SLC6A6: variants seen among roughly 807,000 people sequenced by gnomAD.
The protein encoded by SLC6A6 is solute carrier family 6 member 6.
In SLC6A6, 16 loss-of-function variants were observed where a neutral mutation model predicts 68.8. That is an observed-to-expected ratio of 0.23 (90% CI 0.16 to 0.35). SLC6A6 has a LOEUF of 0.35. Among genes scored for constraint, SLC6A6 ranks in the 10% least tolerant of loss-of-function variants. The probability of loss-of-function intolerance (pLI) is 1.00; values close to 1 mark genes in which losing one functional copy is unlikely to be tolerated. For synonymous variants in SLC6A6, 312 were observed against 315.4 expected, an observed-to-expected ratio of 0.99 and a Z score of 0.12; for missense variants, 474 against 802.8, an observed-to-expected ratio of 0.59 and a Z score of 4.95.
intron 2 of SLC6A6, among the ~76,000 whole-genome samples, chr3:14,441,248 T>C (rs1426587997): frequency 6.6e-6 from 1 of 151,992 alleles, no homozygotes. Flanking sequence ...TCCAGGGTCA[T>C]TTCCTGAGAA....
intron 5 of SLC6A6, 132 bp downstream of exon 5, chr3:14,447,948 G>A: frequency 6.8e-7 from 1 of 1,467,242 alleles, no homozygotes; most frequent in African/African-American, 1.4e-5. Flanking sequence ...CAGATCTGGA[G>A]ATAAATTTAT....
intron 2 of SLC6A6, among the ~76,000 whole-genome samples, chr3:14,443,360 T>C (rs1274252164): frequency 6.6e-6 from 1 of 152,074 alleles, no homozygotes; most frequent in Non-Finnish European, 1.5e-5. Flanking sequence ...GTGCTTCTCT[T>C]CAGCAGGTGC....
At position 14,481,871 on chromosome 3, in the gene SLC6A6, G is replaced by C. The variant is rs746267081; in HGVS notation, c.1722+30G>C. The C allele has an allele frequency of 6.3e-7, 1 of 1,599,238 alleles. No individual in the cohort carries two copies. Among genetic ancestry groups the C allele is most frequent in the Non-Finnish European group, 8.6e-7 (1 of 1,169,018 alleles). The stretch of plus-strand genomic sequence containing the variant: ...GTGCTTGGGCCCAGGGCCAGGGGAG[G>C]TGGGAGGCGCGAGGCCAAAGGTGAT... On this transcript the variant is annotated intron_variant, in intron 14 of 14. Coordinates refer to ENST00000622186, the MANE Select transcript of SLC6A6 (RefSeq NM_003043.6). The surrounding 1 kb of genome is among the most constrained non-coding windows in gnomAD (Gnocchi z 4.7).
rs369168406 is a variant in SLC6A6 at position 14,421,957 on chromosome 3, G to A, written c.-12+5504G>A. ...TGTCTTGGGTGCATCTTCTCGTCTC[G>A]GCTCTTGGACCCAGCAGGGGTCGGA... On this transcript the variant is annotated intron_variant, in intron 2 of 14. Coordinates refer to ENST00000622186, the MANE Select transcript of SLC6A6 (RefSeq NM_003043.6). Among the ~76,000 whole-genome samples the A allele has an allele frequency of 8.4e-4, 128 of 152,238 alleles. No homozygotes were observed. The South Asian group carries it at 0.015, about 17-fold the overall frequency.
At chr3:14,445,665 G>A (rs371933325) in intron 3 of SLC6A6, 52 bp from the exon 4 acceptor site, 44 of 1,610,152 alleles carry the variant, frequency 2.7e-5, no homozygotes, top group Admixed American at 3.3e-5. Flanking sequence ...AGCCTTCTGC[G>A]TCGGCGCTGC....
intron 2 of SLC6A6, among the ~76,000 whole-genome samples, chr3:14,432,287 G>A (rs1278096750): frequency 6.6e-6 from 1 of 152,156 alleles, no homozygotes; most frequent in African/African-American, 2.4e-5. Flanking sequence ...AAATAATCCT[G>A]GGCTCTGCAG....
chr3:14,457,035 C>T (rs1251104875), intron 5 of SLC6A6, among the ~76,000 whole-genome samples: 1 of 152,232 alleles, frequency 6.6e-6, no homozygotes, highest in African/African-American at 2.4e-5. Flanking sequence ...ATGGCCTGGG[C>T]TGTCAGTACC....
At chr3:14,419,702 G>A (rs753121832) in intron 2 of SLC6A6, among the ~76,000 whole-genome samples, 2 of 152,156 alleles carry the variant, frequency 1.3e-5, no homozygotes, top group Admixed American at 6.5e-5. Flanking sequence ...TCATCACTTT[G>A]TAAGCACAGT....
At chr3:14,413,070 A>G (rs1183376378) in intron 1 of SLC6A6, among the ~76,000 whole-genome samples, 1 of 152,234 alleles carries the variant, frequency 6.6e-6, no homozygotes, top group Non-Finnish European at 1.5e-5. Flanking sequence ...AGGGCTAGCC[A>G]GGCTGCTGAC....
intron 1 of SLC6A6, among the ~76,000 whole-genome samples, chr3:14,403,077 AGTGTGTGTGTGTGTGTGTGTGTGTGTGT>A (rs34547966): frequency 1.4e-5 from 2 of 143,322 alleles, no homozygotes; most frequent in Non-Finnish European, 1.5e-5. Context: ...GCGGCAGGAG[AGTGTGTGTGTGTGTGTGTGTGTGTGTGT>A]GTGTGTGTGT....
At chr3:14,459,487 T>G (rs1298897253) in intron 6 of SLC6A6, among the ~76,000 whole-genome samples, 2 of 152,028 alleles carry the variant, frequency 1.3e-5, no homozygotes, top group African/African-American at 4.8e-5. Flanking sequence ...TGCCCTCTGC[T>G]TGTTTCTTGG....
intron 1 of SLC6A6, among the ~76,000 whole-genome samples, chr3:14,408,800 GT>G (rs201663995): frequency 6.8e-5 from 10 of 146,564 alleles, no homozygotes; most frequent in African/African-American, 1.0e-4. Context: ...GTTTTGTTTT[GT>G]TTTTTTTTTG....
At chr3:14,412,994 C>T (rs1699283538) in intron 1 of SLC6A6, among the ~76,000 whole-genome samples, 1 of 152,244 alleles carries the variant, frequency 6.6e-6, no homozygotes, top group South Asian at 2.1e-4. Context: ...GAACAGTGTC[C>T]TCGCTCCAAA....
At chr3:14,403,706 C>A (rs1287845657) in intron 1 of SLC6A6, among the ~76,000 whole-genome samples, 1 of 152,220 alleles carries the variant, frequency 6.6e-6, no homozygotes, top group Admixed American at 6.5e-5. Flanking sequence ...AGGACACTTC[C>A]CCCTCCAGAC....
At chr3:14,462,679 A>G (rs528061624) in intron 6 of SLC6A6, among the ~76,000 whole-genome samples, 12 of 152,264 alleles carry the variant, frequency 7.9e-5, no homozygotes, top group African/African-American at 2.9e-4. Flanking sequence ...AGCATGGGCG[A>G]CAGAGACCGT....
intron 5 of SLC6A6, chr3:14,448,121 C>A: frequency 9.6e-7 from 1 of 1,046,556 alleles, no homozygotes; most frequent in Non-Finnish European, 1.2e-6. Flanking sequence ...CTTATGTTGT[C>A]TAAAAATGAT....
At chr3:14,460,206 G>C (rs1559306315) in intron 6 of SLC6A6, among the ~76,000 whole-genome samples, 1 of 152,086 alleles carries the variant, frequency 6.6e-6, no homozygotes, top group Non-Finnish European at 1.5e-5. Flanking sequence ...TAGAAACAGG[G>C]CTGGGGGACA....
At chr3:14,449,515 C>A (rs897754768) in intron 5 of SLC6A6, among the ~76,000 whole-genome samples, 2 of 152,200 alleles carry the variant, frequency 1.3e-5, no homozygotes, top group African/African-American at 2.4e-5. Flanking sequence ...TGGCACTCAG[C>A]CAGTTACTGA....
At chr3:14,411,482 C>T (rs1699251297) in intron 1 of SLC6A6, among the ~76,000 whole-genome samples, 1 of 152,206 alleles carries the variant, frequency 6.6e-6, no homozygotes, top group Non-Finnish European at 1.5e-5. Context: ...AAAAAGATGA[C>T]GTGAGTTAAA....
Sources: allele counts gnomAD v4.1 joint callset (sites outside exome capture counted in the v4.1 genomes callset), GRCh38; gene constraint gnomAD v4.1.1; non-coding constraint Gnocchi (gnomAD v3.1); transcripts MANE v1.5; gene names NCBI Gene and HGNC (gene_info 2026-07-23, HGNC 2026-07-21).